The following TAF3 variants were observed in gnomAD, a reference collection of about 807,000 sequenced individuals.
TAF3 encodes transcription initiation factor TFIID subunit 3.
A neutral mutation model predicts 80.6 loss-of-function variants in TAF3; 7 were observed. The observed-to-expected ratio is 0.09, with a 90% CI of 0.05 to 0.16. TAF3 has a LOEUF of 0.16. Among genes scored for constraint, TAF3 ranks in the 10% least tolerant of loss-of-function variants. TAF3 has a pLI of 1.00. For missense variants in TAF3, 921 were observed against 1,140.2 expected (o/e 0.81, Z 2.77); for synonymous variants, 444 against 446.1 (o/e 1.00, Z 0.06).
Position 7,964,678 on chromosome 10 carries a change from T to G in TAF3, c.1168T>G (p.Ser390Ala). 6.2e-7 allele frequency: 1 copy of G among 1,614,216 alleles called. No homozygotes were observed. The highest frequency in any genetic ancestry group is 8.5e-7 in the Non-Finnish European group (1 of 1,180,040). ...AVVADKTIEA[S>A]IDAVIARACA... is the part of the protein sequence containing the mutation. ...GGTAGCAGATAAAACGATTGAGGCC[T>G]CTATCGATGCTGTGATTGCACGAGC... is the stretch of plus-strand genomic sequence containing the variant. Residue 390 changes from serine to alanine, a missense_variant, in exon 3 of 7, where the codon TCT becomes GCT. Physicochemically the swap from Ser to Ala is moderately conservative, Grantham distance 99. Transcript: ENST00000344293. This position sits in a 1 kb window ranked among gnomAD's most constrained non-coding sequence, Gnocchi z 4.1.
intron 2 of TAF3, among the ~76,000 whole-genome samples, chr10:7,863,516 A>G (rs1837168831): frequency 6.7e-6 from 1 of 149,384 alleles, no homozygotes; most frequent in Non-Finnish European, 1.5e-5. Context: ...AGGCTAAGGA[A>G]GGAGAATAGC....
At chr10:7,924,880 G>A (rs1837800494) in intron 2 of TAF3, among the ~76,000 whole-genome samples, 1 of 151,948 alleles carries the variant, frequency 6.6e-6, no homozygotes, top group Middle Eastern at 3.2e-3. Flanking sequence ...CACTTAAAAC[G>A]TAAGTTGTTT....
intron 2 of TAF3, among the ~76,000 whole-genome samples, chr10:7,858,304 A>G (rs1837103096): frequency 6.6e-6 from 1 of 152,198 alleles, no homozygotes; most frequent in Non-Finnish European, 1.5e-5. Context: ...GTTACAAGCA[A>G]TTGCCAGTAA....
intron 4 of TAF3, among the ~76,000 whole-genome samples, chr10:8,000,022 A>G (rs1456593100): frequency 6.6e-6 from 1 of 152,262 alleles, no homozygotes; most frequent in East Asian, 1.9e-4. Context: ...ATACACACAG[A>G]AAAGTGAATT....
chr10:7,982,417 C>T (rs1191819190), intron 4 of TAF3, among the ~76,000 whole-genome samples: 1 of 151,952 alleles, frequency 6.6e-6, no homozygotes, highest in African/African-American at 2.4e-5. Flanking sequence ...TTTTTTGAGA[C>T]AGAGCCTCCC....
At chr10:7,819,433 A>G (rs1402393932) in intron 1 of TAF3, among the ~76,000 whole-genome samples, 4 of 151,872 alleles carry the variant, frequency 2.6e-5, no homozygotes, top group East Asian at 1.9e-4. Context: ...CTGTTTTTCC[A>G]AGGCTGACTT....
rs117853696 is a variant in TAF3, at chr10:7,968,123, C to T, written c.2232+2381C>T. 1.2e-3 allele frequency among the ~76,000 whole-genome samples: 189 copies of T among 152,180 alleles called. 7 individuals are homozygous for T. In the East Asian group the frequency reaches 0.03, roughly 24 times the overall value. On this transcript the variant is annotated intron_variant, in intron 3 of 6. Coordinates refer to ENST00000344293, the MANE Select transcript of TAF3 (RefSeq NM_031923.4). ...CTACAAATCTACAGAAGTAAGGCAC[C>T]AAAGGTTAAACTAAAGTGAGACATA... is the stretch of plus-strand genomic sequence containing the variant.
chr10:7,899,364 C>T (rs1440097151), intron 2 of TAF3, among the ~76,000 whole-genome samples: 8 of 152,152 alleles, frequency 5.3e-5, no homozygotes. Flanking sequence ...GCTTCCAGCA[C>T]ACACATTCAG....
intron 2 of TAF3, among the ~76,000 whole-genome samples, chr10:7,934,834 CTA>C (rs1837901141): frequency 6.6e-6 from 1 of 152,222 alleles, no homozygotes. Flanking sequence ...ACTAACTAAT[CTA>C]TTCATTTCAA....
intron 4 of TAF3, among the ~76,000 whole-genome samples, chr10:7,990,216 C>T (rs1588578845): frequency 6.6e-6 from 1 of 152,102 alleles, no homozygotes; most frequent in African/African-American, 2.4e-5. Context: ...CACTGAGGAA[C>T]CTTGAGAGTC....
rs751887737 is a variant in TAF3, at chr10:7,964,872, C to T, written c.1362C>T (p.Ser454=). 3.0e-5 allele frequency: 49 copies of T among 1,614,046 alleles called. No individual in the cohort carries two copies. The highest frequency in any genetic ancestry group is 7.7e-5 in the South Asian group (7 of 91,088). Residue 454 remains serine, a synonymous_variant, in exon 3 of 7, where the codon TCC becomes TCT. Coordinates refer to ENST00000344293, the MANE Select transcript of TAF3 (RefSeq NM_031923.4). The surrounding 1 kb of genome is among the most constrained non-coding windows in gnomAD (Gnocchi z 4.1). ...CAGGATCCACTCCTCTGCCTCTTTCCGGTGGAACCTCAAGTTCCGATAACT... is the reference window on the plus strand; with the variant it reads ...CAGGATCCACTCCTCTGCCTCTTTCTGGTGGAACCTCAAGTTCCGATAACT... ...TKSGSTPLPL[S]GGTSSSDNSW...
intron 2 of TAF3, among the ~76,000 whole-genome samples, chr10:7,830,751 T>C (rs995597653): frequency 6.6e-6 from 1 of 152,202 alleles, no homozygotes; most frequent in Non-Finnish European, 1.5e-5. Context: ...CCCAAAGTGC[T>C]GGGATTCCAG....
chr10:7,947,971 T>C (rs1043175355), intron 2 of TAF3, among the ~76,000 whole-genome samples: 27 of 151,148 alleles, frequency 1.8e-4, no homozygotes, highest in African/African-American at 6.6e-4. Flanking sequence ...AATTCTATGT[T>C]GACGCACTAT....
intron 2 of TAF3, among the ~76,000 whole-genome samples, chr10:7,854,357 A>G (rs1256039306): frequency 6.6e-6 from 1 of 152,176 alleles, no homozygotes; most frequent in Non-Finnish European, 1.5e-5. Flanking sequence ...GGAAGGAATT[A>G]TTTGCCCCAA....
intron 4 of TAF3, among the ~76,000 whole-genome samples, chr10:8,002,390 A>C (rs950477627): frequency 6.6e-6 from 1 of 152,220 alleles, no homozygotes; most frequent in Non-Finnish European, 1.5e-5. Flanking sequence ...AGAAAAATAC[A>C]CTAAAAGTAT....
chr10:7,828,766 G>A (rs890334771), intron 2 of TAF3, among the ~76,000 whole-genome samples: 21 of 152,032 alleles, frequency 1.4e-4, no homozygotes, highest in Admixed American at 1.0e-3. Flanking sequence ...GGGCGCAGTG[G>A]CTCACACCTG....
intron 2 of TAF3, among the ~76,000 whole-genome samples, chr10:7,899,592 G>A (rs1186558275): frequency 6.6e-6 from 1 of 152,158 alleles, no homozygotes; most frequent in African/African-American, 2.4e-5. Context: ...GTACTGGAAG[G>A]TTAAGACAGT....
At chr10:7,948,701 A>G (rs1470448270) in intron 2 of TAF3, among the ~76,000 whole-genome samples, 1 of 152,222 alleles carries the variant, frequency 6.6e-6, no homozygotes, top group Middle Eastern at 3.2e-3. Flanking sequence ...GGAATGAGAC[A>G]GGGATAGATA....
intron 2 of TAF3, among the ~76,000 whole-genome samples, chr10:7,913,159 C>T (rs11255438): frequency 0.039 from 5,984 of 152,222 alleles, 237 homozygotes; most frequent in East Asian, 0.11. Context: ...ATCAGGGCCC[C>T]ACTATTCTGA....
Sources: allele counts gnomAD v4.1 joint callset (sites outside exome capture counted in the v4.1 genomes callset), GRCh38; gene constraint gnomAD v4.1.1; non-coding constraint Gnocchi (gnomAD v3.1); transcripts MANE v1.5; gene names NCBI Gene and HGNC (gene_info 2026-07-23, HGNC 2026-07-21).